The following AGBL4 variants were observed in gnomAD, a reference collection of about 807,000 sequenced individuals.
AGBL4 encodes AGBL carboxypeptidase 4, also known as cytosolic carboxypeptidase 6.
In AGBL4, 58 loss-of-function variants were observed where a neutral mutation model predicts 66.4. That is an observed-to-expected ratio of 0.87 (90% CI 0.71 to 1.09). The LOEUF (loss-of-function observed/expected upper bound fraction) is 1.09, where lower values mean the gene tolerates loss of function less well. Ranked by LOEUF, AGBL4 falls within the 50% of genes least tolerant of loss-of-function variation. The pLI is 0.00. For missense variants in AGBL4, 579 were observed against 631.0 expected (o/e 0.92, Z 0.88); for synonymous variants, 234 against 222.9 (o/e 1.05, Z -0.44).
At chr1:49,257,177 A>G (rs1221918317) in intron 3 of AGBL4, among the ~76,000 whole-genome samples, 1 of 152,214 alleles carries the variant, frequency 6.6e-6, no homozygotes, top group Non-Finnish European at 1.5e-5. Context: ...TGAAAAAAAA[A>G]TAGAACCACT....
chr1:48,752,400 G>T (rs1010235462), intron 6 of AGBL4, among the ~76,000 whole-genome samples: 5 of 152,172 alleles, frequency 3.3e-5, no homozygotes, highest in Non-Finnish European at 5.9e-5. Flanking sequence ...ATGGAATTCT[G>T]CCCAGGAAAA....
chr1:49,094,146 G>A (rs1645049328), intron 4 of AGBL4, among the ~76,000 whole-genome samples: 1 of 152,200 alleles, frequency 6.6e-6, no homozygotes, highest in South Asian at 2.1e-4. Flanking sequence ...TACAGTGCTG[G>A]CAGAAGTGTC....
intron 3 of AGBL4, among the ~76,000 whole-genome samples, chr1:49,436,295 A>G (rs1300889848): frequency 6.6e-6 from 1 of 152,200 alleles, no homozygotes; most frequent in Non-Finnish European, 1.5e-5. Flanking sequence ...CAAAAGAGAA[A>G]TGAAATATCA....
At chr1:49,787,731 A>G in intron 2 of AGBL4, among the ~76,000 whole-genome samples, 1 of 152,158 alleles carries the variant, frequency 6.6e-6, no homozygotes, top group African/African-American at 2.4e-5. Context: ...TGAAGTCTGG[A>G]GAAAACCAGG....
At chr1:49,684,133 G>A (rs1343296162) in intron 3 of AGBL4, among the ~76,000 whole-genome samples, 4 of 152,094 alleles carry the variant, frequency 2.6e-5, no homozygotes, top group Non-Finnish European at 4.4e-5. Context: ...CATATATCCA[G>A]CAAACCAATG....
intron 4 of AGBL4, among the ~76,000 whole-genome samples, chr1:49,071,388 T>C (rs1395223217): frequency 6.6e-6 from 1 of 152,012 alleles, no homozygotes; most frequent in Non-Finnish European, 1.5e-5. Context: ...TTTAGTGCTA[T>C]AAATTTCCCT....
intron 8 of AGBL4, chr1:48,647,443 T>C: frequency 3.8e-6 from 1 of 260,750 alleles, no homozygotes; most frequent in Non-Finnish European, 7.9e-6. Flanking sequence ...CTCATTTCTA[T>C]GGTAACAAAA....
At chr1:49,623,710 A>G (rs1645409981) in intron 3 of AGBL4, among the ~76,000 whole-genome samples, 1 of 152,200 alleles carries the variant, frequency 6.6e-6, no homozygotes, top group Non-Finnish European at 1.5e-5. Flanking sequence ...TGAGAATGCA[A>G]TTGTTTATAT....
chr1:48,630,028 A>T (rs1201241811), intron 9 of AGBL4, among the ~76,000 whole-genome samples: 1 of 152,146 alleles, frequency 6.6e-6, no homozygotes. Flanking sequence ...AGACCCTGAG[A>T]TGAGTTAACC....
chr1:48,969,570 A>G (rs1414131710), intron 5 of AGBL4, among the ~76,000 whole-genome samples: 1 of 151,784 alleles, frequency 6.6e-6, no homozygotes, highest in Non-Finnish European at 1.5e-5. Context: ...AAAGTGTTCC[A>G]CTGTTAGTAT....
chr1:48,554,376 C>G (rs943875137), intron 11 of AGBL4, among the ~76,000 whole-genome samples: 9 of 152,268 alleles, frequency 5.9e-5, no homozygotes, highest in Admixed American at 5.9e-4. Context: ...TCCATTTAGA[C>G]AATAAAGAGG....
intron 1 of AGBL4, among the ~76,000 whole-genome samples, chr1:49,921,555 A>T (rs1256352751): frequency 6.6e-6 from 1 of 152,170 alleles, no homozygotes; most frequent in African/African-American, 2.4e-5. Context: ...CTGAAGAAGA[A>T]AAAAGCCAGT....
intron 5 of AGBL4, among the ~76,000 whole-genome samples, chr1:48,901,637 T>C (rs1374883541): frequency 6.6e-6 from 1 of 152,198 alleles, no homozygotes; most frequent in Non-Finnish European, 1.5e-5. Flanking sequence ...ATTGTATAAT[T>C]CCATTTTTAT....
At chr1:49,053,386 T>C (rs1644254201) in intron 4 of AGBL4, among the ~76,000 whole-genome samples, 1 of 152,186 alleles carries the variant, frequency 6.6e-6, no homozygotes, top group African/African-American at 2.4e-5. Context: ...AGGAAGGCAG[T>C]TAATACCTTC....
chr1:48,671,968 T>C (rs184230770), intron 6 of AGBL4, among the ~76,000 whole-genome samples: 2 of 152,336 alleles, frequency 1.3e-5, no homozygotes, highest in East Asian at 3.9e-4. Context: ...TTCAGGCTTA[T>C]TAGCAAATGC....
chr1:49,563,415 T>C (rs1303722748), intron 3 of AGBL4, among the ~76,000 whole-genome samples: 1 of 152,154 alleles, frequency 6.6e-6, no homozygotes, highest in East Asian at 1.9e-4. Flanking sequence ...TTCCAGTTTT[T>C]GTCTGTTCAG....
intron 5 of AGBL4, among the ~76,000 whole-genome samples, chr1:48,917,998 C>T (rs1178806660): frequency 1.3e-5 from 2 of 152,182 alleles, no homozygotes; most frequent in Non-Finnish European, 2.9e-5. Flanking sequence ...AGCAGACTCC[C>T]CTGATGCTCC....
intron 4 of AGBL4, among the ~76,000 whole-genome samples, chr1:49,182,600 A>G (rs1158046934): frequency 6.6e-6 from 1 of 152,226 alleles, no homozygotes; most frequent in African/African-American, 2.4e-5. Context: ...AGTGATTTAT[A>G]AACTGTGAAA....
At chr1:49,543,108 C>CTT (rs1328806583) in intron 3 of AGBL4, among the ~76,000 whole-genome samples, 2 of 151,996 alleles carry the variant, frequency 1.3e-5, no homozygotes, top group Non-Finnish European at 2.9e-5. Flanking sequence ...AATCACAGAG[C>CTT]TTTATATGTC....
Sources: gnomAD v4.1 joint callset for allele counts (sites outside exome capture counted in the v4.1 genomes callset) on GRCh38, gnomAD v4.1.1 for gene constraint, MANE v1.5 for transcripts, NCBI Gene and HGNC (gene_info 2026-07-23, HGNC 2026-07-21) for gene names.